Variants in PTP4A2 observed in about 807,000 individuals in gnomAD.
The protein encoded by PTP4A2 is protein tyrosine phosphatase 4A2.
In PTP4A2, 2 loss-of-function variants were observed where a neutral mutation model predicts 22.9. The observed-to-expected ratio is 0.09, with a 90% CI of 0.04 to 0.27. The LOEUF is 0.27. PTP4A2 is among the 10% of genes least tolerant of loss of function. The probability of loss-of-function intolerance (pLI) is 1.00; values close to 1 mark genes in which losing one functional copy is unlikely to be tolerated. For missense variants in PTP4A2, 103 were observed against 205.1 expected (o/e 0.50, Z 3.04); for synonymous variants, 68 against 69.1 (o/e 0.98, Z 0.08).
intron 1 of PTP4A2, among the ~76,000 whole-genome samples, chr1:31,932,240 T>C (rs971854658): frequency 4.6e-5 from 7 of 152,240 alleles, no homozygotes; most frequent in South Asian, 2.1e-4. Flanking sequence ...AATTAATGTC[T>C]TGAGAAGACT....
At chr1:31,926,482 A>G (rs1652470633) in intron 1 of PTP4A2, among the ~76,000 whole-genome samples, 1 of 152,192 alleles carries the variant, frequency 6.6e-6, no homozygotes. Context: ...AAAGCCTAAT[A>G]ATGTAATATA....
intron 1 of PTP4A2, among the ~76,000 whole-genome samples, chr1:31,935,286 G>A (rs923252431): frequency 2.6e-5 from 4 of 152,036 alleles, no homozygotes; most frequent in African/African-American, 7.2e-5. Flanking sequence ...CACACACCCC[G>A]GGGCCCCAAG....
intron 5 of PTP4A2, 82 bp from the exon 6 acceptor site, chr1:31,909,042 G>A: frequency 1.0e-6 from 1 of 1,003,510 alleles, no homozygotes; most frequent in South Asian, 1.4e-5. Context: ...ACATCCTAAA[G>A]CCTTTCTAAT....
At chr1:31,928,462 G>A (rs953559333) in intron 1 of PTP4A2, among the ~76,000 whole-genome samples, 1 of 151,534 alleles carries the variant, frequency 6.6e-6, no homozygotes, top group Non-Finnish European at 1.5e-5. Flanking sequence ...CACTTTGGAA[G>A]GCCAAGATGG....
At chr1:31,909,845 G>A (rs1651441870) in intron 5 of PTP4A2, among the ~76,000 whole-genome samples, 193 bp downstream of exon 5, 1 of 152,132 alleles carries the variant, frequency 6.6e-6, no homozygotes, top group Non-Finnish European at 1.5e-5. Flanking sequence ...GTCCAAATTA[G>A]AAAACTTTTG....
At chr1:31,920,458 C>CA (rs1015649347) in intron 1 of PTP4A2, among the ~76,000 whole-genome samples, 11 of 146,078 alleles carry the variant, frequency 7.5e-5, no homozygotes, top group Admixed American at 4.1e-4. Context: ...AACAAAAAAA[C>CA]AAAAAAAATC....
At chr1:31,933,981 C>T (rs72665002) in intron 1 of PTP4A2, 15,202 of 152,090 alleles carry the variant, frequency 0.1, 1,217 homozygotes, top group African/African-American at 0.22. Flanking sequence ...GATCCTGGGC[C>T]GCGCGGTGGC....
intron 1 of PTP4A2, among the ~76,000 whole-genome samples, chr1:31,926,673 G>A (rs1652480347): frequency 6.6e-6 from 1 of 152,116 alleles, no homozygotes; most frequent in African/African-American, 2.4e-5. Context: ...TACAGAACAT[G>A]TACTATGGGT....
At chr1:31,913,923 C>T (rs1651680826) in intron 3 of PTP4A2, 3 of 454,810 alleles carry the variant, frequency 6.6e-6, no homozygotes, top group African/African-American at 2.0e-5. Flanking sequence ...AGCTTATTTT[C>T]GGAAGTTTAA....
intron 1 of PTP4A2, among the ~76,000 whole-genome samples, chr1:31,933,483 G>C (rs1365261399): frequency 6.6e-6 from 1 of 152,146 alleles, no homozygotes; most frequent in South Asian, 2.1e-4. Flanking sequence ...TCAAATCCCA[G>C]TACTTTGGGA....
intron 1 of PTP4A2, 121 bp from the exon 2 acceptor site, chr1:31,919,779 G>A (rs565557198): frequency 1.3e-5 from 2 of 152,316 alleles, no homozygotes; most frequent in South Asian, 2.1e-4. Context: ...CCAATTATAC[G>A]TTATTACCAT....
intron 2 of PTP4A2, 89 bp downstream of exon 2, chr1:31,918,881 A>T (rs1004658195): frequency 2.6e-6 from 2 of 775,616 alleles, no homozygotes; most frequent in Non-Finnish European, 4.5e-6. Context: ...GACTCCAAAT[A>T]CAGAATAAAT....
Position 31,911,684 on chromosome 1 carries a change from G to C in PTP4A2, c.320+12C>G, listed in dbSNP as rs767916454. ...AATTCAGACAAAAAGGGTAATAAAG[G>C]TAAGAGTTTACCTTCCCAATCCTGC... On this transcript the variant is annotated intron_variant, in intron 4 of 5. Coordinates refer to ENST00000647444, the MANE Select transcript of PTP4A2 (RefSeq NM_080391.4). 2.8e-5 allele frequency: 44 copies of C among 1,564,002 alleles called. No homozygotes were observed. The African/African-American group carries it at 5.8e-4, about 21-fold the overall frequency.
At chr1:31,914,375 T>A in intron 3 of PTP4A2, 2 of 407,920 alleles carry the variant, frequency 4.9e-6, no homozygotes, top group Middle Eastern at 3.5e-4. Context: ...CTAAAACACA[T>A]TTTTTTAAAA....
intron 1 of PTP4A2, among the ~76,000 whole-genome samples, chr1:31,924,662 G>A (rs1460806686): frequency 1.3e-5 from 2 of 152,160 alleles, no homozygotes; most frequent in Non-Finnish European, 2.9e-5. Context: ...ACCAAGTGAT[G>A]AAAAAGGCTA....
rs189257631 is a variant in PTP4A2, at chr1:31,907,909, T to C, written c.*943A>G. Reference sequence around the variant, plus strand: ...GAAGACAAGTTTCTGGGATAACCACTTAGCTTCATTGGTTAGGGAAGAGAA... The same window carrying C: ...GAAGACAAGTTTCTGGGATAACCACCTAGCTTCATTGGTTAGGGAAGAGAA... On this transcript the variant is annotated 3_prime_UTR_variant, in exon 6 of 6. Coordinates refer to ENST00000647444, the MANE Select transcript of PTP4A2 (RefSeq NM_080391.4). The C allele has an allele frequency of 3.6e-4, 54 of 151,328 alleles. No individual in the cohort carries two copies. The highest frequency in any genetic ancestry group is 1.2e-3 in the African/African-American group (51 of 41,206). The allele number at this position is 151,328 out of a possible 1,614,324, so 9.4% of individuals were successfully genotyped here. A position where few individuals can be genotyped will look rare whatever the true frequency, so the allele number is the denominator to read the frequency against.
In PTP4A2 at chr1:31,919,527, A is replaced by C. The variant is rs1557864361; in HGVS notation, c.-462T>G. ...CAGTCTCGGTGTCCAGGAGTCTTCA[A>C]GGCAATGTTAATTATGGCACATAGA... On this transcript the variant is annotated 5_prime_UTR_variant, in exon 2 of 6. Coordinates refer to ENST00000647444, the MANE Select transcript of PTP4A2 (RefSeq NM_080391.4). 1 of 153,074 alleles carries C rather than the reference A, an allele frequency of 6.5e-6. No homozygotes were observed. Among genetic ancestry groups the C allele is most frequent in the Admixed American group, 6.5e-5 (1 of 15,306 alleles). 9.5% of individuals were successfully genotyped at this position (153,074 alleles called of 1,614,324 possible). A position where few individuals can be genotyped will look rare whatever the true frequency, so the allele number is the denominator to read the frequency against.
rs953001510 is a variant in PTP4A2 at position 31,906,568 on chromosome 1, T to C, written c.*2284A>G. The C allele has an allele frequency of 6.6e-6, 1 of 152,058 alleles. No individual in the cohort carries two copies. The highest frequency in any genetic ancestry group is 2.4e-5 in the African/African-American group (1 of 41,372). 9.4% of individuals were successfully genotyped at this position (152,058 alleles called of 1,614,324 possible). On this transcript the variant is annotated 3_prime_UTR_variant, in exon 6 of 6. Transcript: ENST00000647444. ...CTTCATTAAATCGAAAAGAAAAAAA[T>C]TGCTTTAAGGAAAAAAAATCCAGTT... is the stretch of plus-strand genomic sequence containing the variant.
chr1:31,918,111 T>C (rs1219957768), intron 2 of PTP4A2, among the ~76,000 whole-genome samples: 1 of 150,646 alleles, frequency 6.6e-6, no homozygotes, highest in Non-Finnish European at 1.5e-5. Flanking sequence ...TAGCCGGGAG[T>C]GGTGGCAGGT....
Sources: allele counts gnomAD v4.1 joint callset (sites outside exome capture counted in the v4.1 genomes callset), GRCh38; gene constraint gnomAD v4.1.1; transcripts MANE v1.5; gene names NCBI Gene and HGNC (gene_info 2026-07-23, HGNC 2026-07-21).